Variants in TRIM26 observed in about 807,000 individuals in gnomAD.
TRIM26 encodes tripartite motif containing 26, also known as tripartite motif-containing protein 26.
Under a neutral mutation model 45.5 loss-of-function variants are expected in TRIM26, and 16 were observed. The observed-to-expected ratio is 0.35, with a 90% CI of 0.24 to 0.53. The LOEUF (loss-of-function observed/expected upper bound fraction) is 0.53, where lower values mean the gene tolerates loss of function less well. Among genes scored for constraint, TRIM26 ranks in the 20% least tolerant of loss-of-function variants. The pLI, the probability that TRIM26 is intolerant of heterozygous loss-of-function variation, is 0.92. For missense variants in TRIM26, 442 were observed against 691.1 expected (o/e 0.64, Z 4.04); for synonymous variants, 273 against 290.4 (o/e 0.94, Z 0.61).
Position 30,189,316 on chromosome 6 carries a change from A to C in TRIM26, c.904+102T>G, listed in dbSNP as rs1581655701. 1.2e-5 allele frequency: 18 copies of C among 1,563,884 alleles called. No individual in the cohort carries two copies. The East Asian group carries it at 4.0e-4, about 35-fold the overall frequency. On this transcript the variant is annotated intron_variant, in intron 8 of 9. Transcript: ENST00000454678. This position sits in a 1 kb window ranked among gnomAD's most constrained non-coding sequence, Gnocchi z 5.0. Reference sequence around the variant, plus strand: ...CATGTCTAAGACAAGAGGCCCTCAGAAGAGTGAGGATCGACAAGGTGATGG... The same window carrying C: ...CATGTCTAAGACAAGAGGCCCTCAGCAGAGTGAGGATCGACAAGGTGATGG...
rs202149486 is a variant in TRIM26, at chr6:30,189,977, G to C, written c.788+36C>G. On this transcript the variant is annotated intron_variant, in intron 7 of 9. Coordinates refer to ENST00000454678, the MANE Select transcript of TRIM26 (RefSeq NM_003449.5). This position sits in a 1 kb window ranked among gnomAD's most constrained non-coding sequence, Gnocchi z 5.0. ...CAGAAGCGGGGGAACATAAACAAGG[G>C]GGATGAGGTACGCCATGGAGAGGAG... The C allele has an allele frequency of 1.6e-3, 2,566 of 1,612,492 alleles. 8 individuals carry two copies. Among genetic ancestry groups the C allele is most frequent in the Middle Eastern group, 5.1e-3 (31 of 6,054 alleles).
At chr6:30,212,705 C>T (rs1487253817) in intron 1 of TRIM26, among the ~76,000 whole-genome samples, 1 of 151,946 alleles carries the variant, frequency 6.6e-6, no homozygotes, top group Non-Finnish European at 1.5e-5. Context: ...TGTCATTCTC[C>T]CCTCTTTTGA....
At chr6:30,201,174 T>C (rs548312483) in intron 2 of TRIM26, 36 bp from the exon 3 acceptor site, 1 of 152,214 alleles carries the variant, frequency 6.6e-6, no homozygotes, top group South Asian at 2.1e-4. Context: ...TTAATGATTA[T>C]GTATGGTGAA....
intron 2 of TRIM26, among the ~76,000 whole-genome samples, chr6:30,204,279 C>T (rs190015355): frequency 5.6e-4 from 86 of 152,274 alleles, no homozygotes; most frequent in African/African-American, 2.0e-3. Context: ...TCTTCCCTAC[C>T]CAGGCACACT....
At chr6:30,208,060 C>A (rs1777897586) in intron 1 of TRIM26, among the ~76,000 whole-genome samples, 1 of 152,304 alleles carries the variant, frequency 6.6e-6, no homozygotes, top group Non-Finnish European at 1.5e-5. Context: ...GAGATTGTGT[C>A]TGTCTTATCA....
Position 30,198,303 on chromosome 6 carries a change from G to T in TRIM26, c.534+126C>A. 5.0e-6 allele frequency: 5 copies of T among 1,002,044 alleles called. No individual in the cohort carries two copies. The highest frequency in any genetic ancestry group is 1.4e-5 in the South Asian group (1 of 70,182). 62.1% of individuals were successfully genotyped at this position (1,002,044 alleles called of 1,614,324 possible). A position where few individuals can be genotyped will look rare whatever the true frequency, so the allele number is the denominator to read the frequency against. ...CTAAAACCCAGGTCTGCTACTGCCA[G>T]GCTGACACCCATCCTCCCTGTGAGC... is the stretch of plus-strand genomic sequence containing the variant. On this transcript the variant is annotated intron_variant, in intron 5 of 9. Coordinates refer to ENST00000454678, the MANE Select transcript of TRIM26 (RefSeq NM_003449.5). The surrounding 1 kb of genome is among the most constrained non-coding windows in gnomAD (Gnocchi z 6.3).
At chr6:30,199,586 C>T (rs1002929182) in intron 3 of TRIM26, among the ~76,000 whole-genome samples, 10 of 151,760 alleles carry the variant, frequency 6.6e-5, no homozygotes, top group African/African-American at 2.2e-4. Context: ...ACAAGACACA[C>T]GAGCAGTCAT....
chr6:30,189,825 TAAG>T lies in TRIM26; in HGVS notation c.788+185_788+187del. The T allele has an allele frequency of 1.4e-6, 1 of 701,930 alleles. No homozygotes were observed. The highest frequency in any genetic ancestry group is 2.7e-5 in the East Asian group (1 of 37,050). 43.5% of individuals were successfully genotyped at this position (701,930 alleles called of 1,614,324 possible). A position where few individuals can be genotyped will look rare whatever the true frequency, so the allele number is the denominator to read the frequency against. On this transcript the variant is annotated intron_variant, in intron 7 of 9. Coordinates refer to ENST00000454678, the MANE Select transcript of TRIM26 (RefSeq NM_003449.5). The surrounding 1 kb of genome is among the most constrained non-coding windows in gnomAD (Gnocchi z 5.0). ...GGAGCTGGGGCTACACAGAGAACCATAAGGAGGAGAGCAAGTCTCCAGTTCTCA... is the reference window on the plus strand; with the variant it reads ...GGAGCTGGGGCTACACAGAGAACCATGAGGAGAGCAAGTCTCCAGTTCTCA...
rs1776467165 is a variant in TRIM26 at position 30,196,456 on chromosome 6, T to C, written c.765+60A>G. 7 of 1,532,150 alleles carry C rather than the reference T, an allele frequency of 4.6e-6. No individual in the cohort carries two copies. The highest frequency in any genetic ancestry group is 1.4e-5 in the African/African-American group (1 of 73,088). The allele number at this position is 1,532,150 out of a possible 1,614,324, so 94.9% of individuals were successfully genotyped here. On this transcript the variant is annotated intron_variant, in intron 6 of 9. Transcript: ENST00000454678. This position sits in a 1 kb window ranked among gnomAD's most constrained non-coding sequence, Gnocchi z 4.9. ...AGTCTTCTAAGGTCCTGCAAGTGAA[T>C]GGCAGGGCTGGGACCCACCGTCCTG...
chr6:30,205,449 T>C (rs760589754), intron 1 of TRIM26, among the ~76,000 whole-genome samples: 2 of 152,164 alleles, frequency 1.3e-5, no homozygotes, highest in African/African-American at 2.4e-5. Context: ...CTAATCTGCA[T>C]ATGTCAACAG....
intron 6 of TRIM26, among the ~76,000 whole-genome samples, chr6:30,192,827 GCA>G (rs1410338975): frequency 6.6e-6 from 1 of 151,920 alleles, no homozygotes; most frequent in Non-Finnish European, 1.5e-5. Context: ...ACTCAAATAA[GCA>G]CACAGACAAA....
chr6:30,191,204 G>A (rs952306534), intron 6 of TRIM26, among the ~76,000 whole-genome samples: 1 of 152,122 alleles, frequency 6.6e-6, no homozygotes, highest in Non-Finnish European at 1.5e-5. Flanking sequence ...GAATGGTGGT[G>A]CTATCTCTGT....
intron 9 of TRIM26, chr6:30,187,149 G>C: frequency 3.4e-6 from 1 of 291,600 alleles, no homozygotes; most frequent in South Asian, 3.5e-5. Flanking sequence ...TTACTGCACT[G>C]GGGTTCTACA....
chr6:30,187,320 G>T, intron 9 of TRIM26: 1 of 315,908 alleles, frequency 3.2e-6, no homozygotes, highest in East Asian at 9.1e-5. Flanking sequence ...CACAAATTAA[G>T]CTGTCATCCA....
At chr6:30,202,021 T>C (rs755535654) in intron 2 of TRIM26, among the ~76,000 whole-genome samples, 15 of 152,256 alleles carry the variant, frequency 9.9e-5, no homozygotes, top group Non-Finnish European at 2.2e-4. Flanking sequence ...CCCTTTATCA[T>C]GCCTCTTTGC....
intron 3 of TRIM26, among the ~76,000 whole-genome samples, chr6:30,199,647 T>A (rs1364687449): frequency 6.6e-6 from 1 of 151,360 alleles, no homozygotes; most frequent in Non-Finnish European, 1.5e-5. Context: ...TTTGGTTTTT[T>A]TTTTTTTGAG....
rs767753142 is a variant in TRIM26, at chr6:30,198,779, G to A, written c.325C>T (p.Leu109=). Residue 109 remains leucine (L), a synonymous_variant, in exon 4 of 10, where the codon CTG becomes TTG. Coordinates refer to ENST00000454678, the MANE Select transcript of TRIM26 (RefSeq NM_003449.5). This position sits in a 1 kb window ranked among gnomAD's most constrained non-coding sequence, Gnocchi z 6.3. ...CCGTCGTCCTCACAGTAGTAGTGCAGCTTCTCTCGGTGTCGCTCGCACAAC... is the reference window on the plus strand; with the variant it reads ...CCGTCGTCCTCACAGTAGTAGTGCAACTTCTCTCGGTGTCGCTCGCACAAC... ...AKLCERHREK[L]HYYCEDDGKL... is the part of the protein sequence containing the mutation. 3 of 1,604,860 alleles carry A rather than the reference G, an allele frequency of 1.9e-6. No individual in the cohort carries two copies. The highest frequency in any genetic ancestry group is 3.3e-5 in the Admixed American group (2 of 60,016).
chr6:30,204,442 A>C (rs1777511841), intron 2 of TRIM26, among the ~76,000 whole-genome samples: 1 of 152,248 alleles, frequency 6.6e-6, no homozygotes, highest in African/African-American at 2.4e-5. Context: ...TAGCTATGAC[A>C]AACTTTCACA....
chr6:30,200,343 T>C (rs1777035398), intron 3 of TRIM26, among the ~76,000 whole-genome samples: 1 of 152,212 alleles, frequency 6.6e-6, no homozygotes, highest in Non-Finnish European at 1.5e-5. Context: ...TGAGGTTCTT[T>C]ACCAAAACTC....
Sources: gnomAD v4.1 joint callset for allele counts (sites outside exome capture counted in the v4.1 genomes callset) on GRCh38, gnomAD v4.1.1 for gene constraint, Gnocchi (gnomAD v3.1) non-coding constraint, MANE v1.5 for transcripts, NCBI Gene and HGNC (gene_info 2026-07-23, HGNC 2026-07-21) for gene names.